The following CDH13 variants were observed in gnomAD, a reference collection of about 807,000 sequenced individuals.
The protein encoded by CDH13 is cadherin 13, also known as cadherin-13.
In CDH13, 24 loss-of-function variants were observed where a neutral mutation model predicts 63.8. The observed-to-expected ratio is 0.38, with a 90% confidence interval of 0.27 to 0.53. CDH13 has a LOEUF of 0.53. Among genes scored for constraint, CDH13 ranks in the 20% least tolerant of loss-of-function variants. The pLI, the probability that CDH13 is intolerant of heterozygous loss-of-function variation, is 0.85. For synonymous variants in CDH13, 503 were observed against 355.3 expected, an observed-to-expected ratio of 1.42 and a Z score of -4.67; for missense variants, 1,049 against 903.1, an observed-to-expected ratio of 1.16 and a Z score of -2.07.
intron 3 of CDH13, among the ~76,000 whole-genome samples, chr16:83,098,724 C>G (rs76550762): frequency 0.14 from 20,916 of 152,228 alleles, 1,815 homozygotes; most frequent in Admixed American, 0.19. Flanking sequence ...CATCTGCTGT[C>G]ATTCTTCTCT....
intron 2 of CDH13, among the ~76,000 whole-genome samples, chr16:82,912,536 C>G (rs1374381706): frequency 6.6e-6 from 1 of 152,178 alleles, no homozygotes; most frequent in East Asian, 1.9e-4. Context: ...ATGACTATGA[C>G]AGGTGGGAAA....
intron 1 of CDH13, among the ~76,000 whole-genome samples, chr16:82,833,459 C>A (rs1185000058): frequency 2.6e-5 from 4 of 152,180 alleles, no homozygotes; most frequent in Non-Finnish European, 5.9e-5. Flanking sequence ...ACCCAGGAAC[C>A]CAACAGCCTG....
Position 82,649,894 on chromosome 16 carries a change from G to C in CDH13, c.45+22757G>C, listed in dbSNP as rs74543319. Reference sequence around the variant, plus strand: ...AAAAGAGTAATAAGCTCTATATCCTGGGGTTCCTGAGAGGAGGAATTGAAG... The same window carrying C: ...AAAAGAGTAATAAGCTCTATATCCTCGGGTTCCTGAGAGGAGGAATTGAAG... On this transcript the variant is annotated intron_variant, in intron 1 of 13. Coordinates refer to ENST00000567109, the MANE Select transcript of CDH13 (RefSeq NM_001257.5). 4.2e-3 allele frequency among the ~76,000 whole-genome samples: 647 copies of C among 152,242 alleles called. 5 individuals are homozygous for C. The highest frequency in any genetic ancestry group is 0.015 in the African/African-American group (609 of 41,522).
At chr16:83,515,605 T>G (rs2074682135) in intron 7 of CDH13, among the ~76,000 whole-genome samples, 1 of 152,180 alleles carries the variant, frequency 6.6e-6, no homozygotes, top group South Asian at 2.1e-4. Flanking sequence ...AAGTTTCCAG[T>G]GTTAAAAAGC....
chr16:83,032,192 G>C lies in CDH13; in HGVS notation c.340G>C (p.Gly114Arg). Reference sequence around the variant, plus strand: ...TATGGCAGAACTCGTGATTGTCGGGGGGAAAGACATCCAGGGCTCCTTGCA... The same window carrying C: ...TATGGCAGAACTCGTGATTGTCGGGCGGAAAGACATCCAGGGCTCCTTGCA... ...EDMAELVIVG[G>R]KDIQGSLQDI... Residue 114 changes from glycine (G) to arginine (R), a missense_variant, in exon 3 of 14, where the codon GGG becomes CGG. Gly to Arg is a moderately radical substitution (Grantham distance 125). Transcript: ENST00000567109. 6.2e-7 allele frequency: 1 copy of C among 1,613,616 alleles called. No individual in the cohort carries two copies. The highest frequency in any genetic ancestry group is 8.5e-7 in the Non-Finnish European group (1 of 1,179,670).
chr16:82,857,503 C>T (rs1283554191), intron 1 of CDH13, among the ~76,000 whole-genome samples: 1 of 152,126 alleles, frequency 6.6e-6, no homozygotes. Flanking sequence ...TTCACTAAGT[C>T]ACACCTTGCC....
chr16:83,420,069 A>T (rs1008086506), intron 6 of CDH13, among the ~76,000 whole-genome samples: 1 of 152,176 alleles, frequency 6.6e-6, no homozygotes, highest in Non-Finnish European at 1.5e-5. Context: ...AATAGAGGGC[A>T]AAGAATTTCC....
Position 83,032,113 on chromosome 16 carries a change from A to C in CDH13, c.261A>C (p.Ile87=), listed in dbSNP as rs755224823. 6 of 1,613,362 alleles carry C rather than the reference A, an allele frequency of 3.7e-6. No individual in the cohort carries two copies. Among genetic ancestry groups the C allele is most frequent in the Admixed American group, 1.7e-5 (1 of 59,958 alleles). ...SDGGLVALRN[I]TAVGKTLFVH... ...GCGGCTTAGTTGCTCTGAGAAACAT[A>C]ACTGCAGTGGGCAAAACTCTGTTCG... Residue 87 remains isoleucine (I), a synonymous_variant, in exon 3 of 14, where the codon ATA becomes ATC. Transcript: ENST00000567109.
chr16:82,816,386 G>C (rs542135422), intron 1 of CDH13, among the ~76,000 whole-genome samples: 2 of 152,074 alleles, frequency 1.3e-5, no homozygotes, highest in African/African-American at 4.8e-5. Context: ...ATATTCCGGG[G>C]GGAAAAAGAG....
At chr16:82,918,123 A>T (rs2042049104) in intron 2 of CDH13, among the ~76,000 whole-genome samples, 1 of 152,184 alleles carries the variant, frequency 6.6e-6, no homozygotes, top group South Asian at 2.1e-4. Context: ...GTGGCAGAGC[A>T]AATGCAGAAC....
chr16:82,966,298 GC>G (rs1567701635), intron 2 of CDH13, among the ~76,000 whole-genome samples: 1 of 151,796 alleles, frequency 6.6e-6, no homozygotes, highest in African/African-American at 2.4e-5. Context: ...ACAGGCGCCC[GC>G]CACCACGCCC....
At chr16:83,441,551 A>T (rs930645695) in intron 6 of CDH13, among the ~76,000 whole-genome samples, 1 of 152,192 alleles carries the variant, frequency 6.6e-6, no homozygotes, top group African/African-American at 2.4e-5. Flanking sequence ...ATGATAAATG[A>T]GGAAAGTTTC....
intron 5 of CDH13, among the ~76,000 whole-genome samples, chr16:83,310,872 G>A (rs1381297092): frequency 2.0e-5 from 3 of 152,164 alleles, no homozygotes; most frequent in Non-Finnish European, 4.4e-5. Context: ...AAACCCAACT[G>A]AGCCAGTTTG....
rs192775305 is a variant in CDH13, at chr16:82,669,953, T to C, written c.45+42816T>C. On this transcript the variant is annotated intron_variant, in intron 1 of 13. Coordinates refer to ENST00000567109, the MANE Select transcript of CDH13 (RefSeq NM_001257.5). ...AGTACAGAGAATTTCTTGCAGCCTG[T>C]ACATTTTCCCTTTAAAAGATAAAGA... 2.3e-3 allele frequency among the ~76,000 whole-genome samples: 358 copies of C among 152,364 alleles called. 1 individual carries two copies. Among genetic ancestry groups the C allele is most frequent in the Admixed American group, 4.2e-3 (64 of 15,306 alleles).
At chr16:82,821,854 C>T (rs1237423804) in intron 1 of CDH13, among the ~76,000 whole-genome samples, 1 of 152,158 alleles carries the variant, frequency 6.6e-6, no homozygotes, top group Non-Finnish European at 1.5e-5. Flanking sequence ...GAGGGAAGAA[C>T]AAGGGCTTGA....
intron 3 of CDH13, among the ~76,000 whole-genome samples, chr16:83,111,739 T>C (rs2035066854): frequency 6.6e-6 from 1 of 152,218 alleles, no homozygotes; most frequent in African/African-American, 2.4e-5. Flanking sequence ...ATCATATCAA[T>C]AGATCGTCAT....
At chr16:82,791,132 G>C (rs907635153) in intron 1 of CDH13, among the ~76,000 whole-genome samples, 1 of 152,010 alleles carries the variant, frequency 6.6e-6, no homozygotes, top group African/African-American at 2.4e-5. Context: ...AGCTACTCGG[G>C]AGGCTGAGGC....
chr16:83,465,164 G>A (rs1318079519), intron 6 of CDH13, among the ~76,000 whole-genome samples: 1 of 152,194 alleles, frequency 6.6e-6, no homozygotes, highest in South Asian at 2.1e-4. Context: ...AATTTGTAAT[G>A]TTTCAGATGG....
chr16:83,310,607 C>G (rs1039383581), intron 5 of CDH13, among the ~76,000 whole-genome samples: 1 of 152,222 alleles, frequency 6.6e-6, no homozygotes, highest in Non-Finnish European at 1.5e-5. Context: ...CCAGCTCCCA[C>G]CTTTCTGCCT....
Sources: allele counts gnomAD v4.1 joint callset (sites outside exome capture counted in the v4.1 genomes callset), GRCh38; gene constraint gnomAD v4.1.1; transcripts MANE v1.5; gene names NCBI Gene and HGNC (gene_info 2026-07-23, HGNC 2026-07-21).